FURIN: variants seen among roughly 807,000 people sequenced by gnomAD.
FURIN encodes furin, paired basic amino acid cleaving enzyme, also known as FES upstream region.
Under a neutral mutation model 89.2 loss-of-function variants are expected in FURIN, and 18 were observed. That is an observed-to-expected ratio of 0.20 (90% confidence interval 0.14 to 0.30). FURIN has a LOEUF of 0.30. Among genes scored for constraint, FURIN ranks in the 10% least tolerant of loss-of-function variants. The pLI is 1.00. For synonymous variants in FURIN, 508 were observed against 466.4 expected (o/e 1.09, Z -1.15); for missense variants, 879 against 1,100.5 (o/e 0.80, Z 2.85).
chr15:90,875,045 T>G (rs2031531330), intron 1 of FURIN, among the ~76,000 whole-genome samples: 2 of 149,454 alleles, frequency 1.3e-5, no homozygotes, highest in South Asian at 4.3e-4. Flanking sequence ...TTTTTTTTTT[T>G]TTTTTTGAGA....
intron 10 of FURIN, 22 bp from the exon 11 acceptor site, chr15:90,879,649 C>G: frequency 1.2e-6 from 2 of 1,600,030 alleles, no homozygotes. Context: ...TGATCCCCAG[C>G]CTCTCCCTTC....
In FURIN at chr15:90,876,596, A is replaced by C. The variant is rs372676624; in HGVS notation, c.372+39A>C. 5 of 1,300,872 alleles carry C rather than the reference A, an allele frequency of 3.8e-6. No homozygotes were observed. Among genetic ancestry groups the C allele is most frequent in the Non-Finnish European group, 5.6e-6 (5 of 896,826 alleles). The allele number at this position is 1,300,872 out of a possible 1,614,324, so 80.6% of individuals were successfully genotyped here. A position where few individuals can be genotyped will look rare whatever the true frequency, so the allele number is the denominator to read the frequency against. ...TTCGCTGCTGGGACCTCCTCCCCAG[A>C]TGCACCATCCACCCACTATGAGCTC... On this transcript the variant is annotated intron_variant, in intron 4 of 15. Transcript: ENST00000268171. This position sits in a 1 kb window ranked among gnomAD's most constrained non-coding sequence, Gnocchi z 5.0.
At position 90,876,292 on chromosome 15, in the gene FURIN, T is replaced by C; in HGVS notation, c.215T>C (p.Val72Ala). ...TATTACCACTTCTGGCATCGAGGAGTGACGAAGCGGTCCCTGTCGCCTCAC... is the reference window on the plus strand; with the variant it reads ...TATTACCACTTCTGGCATCGAGGAGCGACGAAGCGGTCCCTGTCGCCTCAC... ...GDYYHFWHRG[V>A]TKRSLSPHRP... is the part of the protein sequence containing the mutation. Residue 72 changes from valine to alanine, a missense_variant, in exon 3 of 16, where the codon GTG becomes GCG. Val to Ala is a moderately conservative substitution (Grantham distance 64, BLOSUM62 0). This residue lies in a region of FURIN where 125 missense variants were observed against 125.0 expected (regional missense o/e 1.00). Coordinates refer to ENST00000268171, the MANE Select transcript of FURIN (RefSeq NM_002569.4). This position sits in a 1 kb window ranked among gnomAD's most constrained non-coding sequence, Gnocchi z 5.0. 6.2e-7 allele frequency: 1 copy of C among 1,612,446 alleles called. No homozygotes were observed. The highest frequency in any genetic ancestry group is 8.5e-7 in the Non-Finnish European group (1 of 1,178,860).
At chr15:90,871,470 C>G (rs1218620641) in intron 1 of FURIN, 1 of 7,376 alleles carries the variant, frequency 1.4e-4, no homozygotes, top group Non-Finnish European at 3.0e-4. Flanking sequence ...GGCCGCCGCG[C>G]GGGGCCGGAC....
Position 90,878,930 on chromosome 15 carries a change from C to T in FURIN, c.1007C>T (p.Thr336Ile), listed in dbSNP as rs773696286. 3.7e-6 allele frequency: 6 copies of T among 1,611,758 alleles called. No homozygotes were observed. In the East Asian group the frequency reaches 1.3e-4, roughly 36 times the overall value. The change falls in exon 9 of 16, where the codon ACA becomes ATA. Residue 336 changes from threonine to isoleucine, a missense_variant. Thr to Ile is a moderately conservative substitution (Grantham distance 89). Coordinates refer to ENST00000268171, the MANE Select transcript of FURIN (RefSeq NM_002569.4). ...VPWYSEACSS[T>I]LATTYSSGNQ... ...TGGTACAGCGAGGCCTGCTCGTCCA[C>T]ACTGGCCACGACCTACAGCAGTGGC...
In FURIN at chr15:90,880,680, C is replaced by A. The variant is rs529339345; in HGVS notation, c.1557-11C>A. The stretch of plus-strand genomic sequence containing the variant: ...CAGAGGCCTCAGGGCTGTGTGCACT[C>A]CCCTCCCCAGGCCACATGACTACTC... On this transcript the variant is annotated splice_polypyrimidine_tract_variant and intron_variant, in intron 13 of 15. Coordinates refer to ENST00000268171, the MANE Select transcript of FURIN (RefSeq NM_002569.4). The A allele has an allele frequency of 1.2e-6, 2 of 1,609,464 alleles. No individual in the cohort carries two copies. The highest frequency in any genetic ancestry group is 2.2e-5 in the East Asian group (1 of 44,860).
chr15:90,878,325 G>A, intron 8 of FURIN, 21 bp downstream of exon 8: 1 of 1,549,022 alleles, frequency 6.5e-7, no homozygotes, highest in Non-Finnish European at 8.7e-7. Context: ...GATCTGTCCA[G>A]CCCCTGCGGG....
Position 90,880,910 on chromosome 15 carries a change from T to G in FURIN, c.1682-20T>G, listed in dbSNP as rs755188888. On this transcript the variant is annotated intron_variant, in intron 14 of 15. Transcript: ENST00000268171. ...TGCCAGCACTGTCTTAACTCTTGCC[T>G]CCTCCCCGCTCTGGAACAGGGACGC... The G allele has an allele frequency of 3.7e-6, 6 of 1,611,910 alleles. No individual in the cohort carries two copies. In the South Asian group the frequency reaches 6.6e-5, roughly 18 times the overall value.
At chr15:90,879,291 T>G (rs78164913) in intron 9 of FURIN, among the ~76,000 whole-genome samples, 153 bp from the exon 10 acceptor site, 3,462 of 152,328 alleles carry the variant, frequency 0.023, 69 homozygotes, top group South Asian at 0.04. Context: ...CACGGCAAGT[T>G]AGCAAGGCAG....
In FURIN at chr15:90,877,518, C is replaced by T. The variant is rs2031698769; in HGVS notation, c.579-9C>T. On this transcript the variant is annotated splice_polypyrimidine_tract_variant and intron_variant, in intron 6 of 15. Coordinates refer to ENST00000268171, the MANE Select transcript of FURIN (RefSeq NM_002569.4). ...TGTTCTACTCATGCTACGTGCTTGGCCCTGGCAGGCACGGCACACGGTGTG... is the reference window on the plus strand; with the variant it reads ...TGTTCTACTCATGCTACGTGCTTGGTCCTGGCAGGCACGGCACACGGTGTG... The T allele has an allele frequency of 4.5e-6, 7 of 1,561,446 alleles. No homozygotes were observed. The highest frequency in any genetic ancestry group is 6.1e-6 in the Non-Finnish European group (7 of 1,152,232).
Position 90,880,728 on chromosome 15 carries a change from G to A in FURIN, c.1594G>A (p.Ala532Thr). 6.2e-7 allele frequency: 1 copy of A among 1,614,058 alleles called. No homozygotes were observed. The highest frequency in any genetic ancestry group is 8.5e-7 in the Non-Finnish European group (1 of 1,179,952). Residue 532 changes from alanine (A) to threonine (T), a missense_variant, in exon 14 of 16, where the codon GCC (alanine) becomes ACC (threonine). Ala to Thr is a moderately conservative substitution (Grantham distance 58, BLOSUM62 0). This residue lies in a region of FURIN where 457 missense variants were observed against 490.7 expected (regional missense o/e 0.93). Coordinates refer to ENST00000268171, the MANE Select transcript of FURIN (RefSeq NM_002569.4). ...DYSADGFNDW[A>T]FMTTHSWDED... The stretch of plus-strand genomic sequence containing the variant: ...CTCCGCAGATGGGTTTAATGACTGG[G>A]CCTTCATGACAACTCATTCCTGGGA...
Position 90,875,601 on chromosome 15 carries a change from C to T in FURIN, c.-140C>T, listed in dbSNP as rs866869151. The T allele has an allele frequency of 2.9e-6, 2 of 681,102 alleles. No individual in the cohort carries two copies. Among genetic ancestry groups the T allele is most frequent in the Non-Finnish European group, 4.8e-6 (2 of 414,900 alleles). 42.2% of individuals were successfully genotyped at this position (681,102 alleles called of 1,614,324 possible). A position where few individuals can be genotyped will look rare whatever the true frequency, so the allele number is the denominator to read the frequency against. On this transcript the variant is annotated 5_prime_UTR_variant, in exon 2 of 16. Transcript: ENST00000268171. ...TCTCAGGGTCGGCACTCTTCACCCTCCCGAGCCCTGCCCGTCTCGGCCCCA... is the reference window on the plus strand; with the variant it reads ...TCTCAGGGTCGGCACTCTTCACCCTTCCGAGCCCTGCCCGTCTCGGCCCCA...
rs774092258 is a variant in FURIN, at chr15:90,879,751, C to A, written c.1235C>A (p.Ala412Asp). The change falls in exon 11 of 16, where the codon GCC becomes GAC. Residue 412 changes from alanine to aspartate, a missense_variant. This residue lies in a region of FURIN where 156 missense variants were observed against 243.7 expected (regional missense o/e 0.64). Coordinates refer to ENST00000268171, the MANE Select transcript of FURIN (RefSeq NM_002569.4). ...KPAHLNANDW[A>D]TNGVGRKVSH... The stretch of plus-strand genomic sequence containing the variant: ...GCCCACCTCAATGCCAACGACTGGG[C>A]CACCAATGGTGTGGGCCGGAAAGGT... 11 of 1,613,722 alleles carry A rather than the reference C, an allele frequency of 6.8e-6. No individual in the cohort carries two copies. The highest frequency in any genetic ancestry group is 1.7e-5 in the Admixed American group (1 of 60,032).
intron 13 of FURIN, 90 bp downstream of exon 13, chr15:90,880,363 G>A (rs1175406955): frequency 2.8e-6 from 3 of 1,072,876 alleles, no homozygotes; most frequent in Non-Finnish European, 4.0e-6. Context: ...GGCCCAGGGG[G>A]CACTGAGTGC....
chr15:90,873,296 G>C (rs559192465), intron 1 of FURIN, among the ~76,000 whole-genome samples: 2 of 151,780 alleles, frequency 1.3e-5, no homozygotes, highest in Non-Finnish European at 2.9e-5. Context: ...TCTTTCTTTG[G>C]GGGGACTGTT....
intron 7 of FURIN, 80 bp downstream of exon 7, chr15:90,877,695 T>C: frequency 2.1e-6 from 2 of 958,056 alleles, no homozygotes; most frequent in Non-Finnish European, 3.1e-6. Context: ...ATCTGGCCAA[T>C]GCCTGCCACT....
At chr15:90,872,220 G>T (rs1370033901) in intron 1 of FURIN, among the ~76,000 whole-genome samples, 1 of 151,862 alleles carries the variant, frequency 6.6e-6, no homozygotes, top group Non-Finnish European at 1.5e-5. Context: ...GCCGGCGGCC[G>T]GCGCAGGTAG....
chr15:90,875,235 A>G (rs954510453), intron 1 of FURIN, among the ~76,000 whole-genome samples: 1 of 151,880 alleles, frequency 6.6e-6, no homozygotes, highest in African/African-American at 2.4e-5. Flanking sequence ...AGGTTGCACC[A>G]TGTTGGCCAG....
At chr15:90,879,198 T>C (rs1482641795) in intron 9 of FURIN, among the ~76,000 whole-genome samples, 1 of 152,228 alleles carries the variant, frequency 6.6e-6, no homozygotes, top group African/African-American at 2.4e-5. Context: ...ACATACTTTG[T>C]TCTTATTCAT....
Sources: allele counts gnomAD v4.1 joint callset (sites outside exome capture counted in the v4.1 genomes callset), GRCh38; gene constraint gnomAD v4.1.1; regional missense constraint gnomAD v4.1.1; non-coding constraint Gnocchi (gnomAD v3.1); transcripts MANE v1.5; gene names NCBI Gene and HGNC (gene_info 2026-07-23, HGNC 2026-07-21).